The following MYH7B variants were observed in gnomAD, a reference collection of about 807,000 sequenced individuals.
The protein encoded by MYH7B is myosin heavy chain 7B.
Under a neutral mutation model 234.5 loss-of-function variants are expected in MYH7B, and 205 were observed. The ratio of observed to expected loss-of-function variants is 0.87; its 90% confidence interval spans 0.78 to 0.98. The LOEUF (loss-of-function observed/expected upper bound fraction) is 0.98. Among genes scored for constraint, MYH7B ranks in the 50% least tolerant of loss-of-function variants. MYH7B has a pLI of 0.00. For synonymous variants in MYH7B, 1,193 were observed against 1,105.0 expected (o/e 1.08, Z -1.58); for missense variants, 2,652 against 2,633.4 (o/e 1.01, Z -0.15).
At chr20:34,970,315 A>T (rs1022987410) in intron 2 of MYH7B, among the ~76,000 whole-genome samples, 1 of 152,224 alleles carries the variant, frequency 6.6e-6, no homozygotes, top group Non-Finnish European at 1.5e-5. Context: ...CAGCCAAGGC[A>T]GGAGGAGGGA....
In MYH7B at chr20:35,000,984, A is replaced by G. The variant is rs752622190; in HGVS notation, c.5305-4A>G. 5 of 1,613,816 alleles carry G rather than the reference A, an allele frequency of 3.1e-6. No individual in the cohort carries two copies. Among genetic ancestry groups the G allele is most frequent in the East Asian group, 2.2e-5 (1 of 44,884 alleles). On this transcript the variant is annotated splice_region_variant and splice_polypyrimidine_tract_variant and intron_variant, in intron 40 of 44. Transcript: ENST00000262873. ...GCACCTGACCAGCTCCTCCTCCCCA[A>G]CAGGCGGCCATGATGGCCGAGGAGC... is the stretch of plus-strand genomic sequence containing the variant.
chr20:35,000,909 G>A lies in MYH7B; in HGVS notation c.5304+16G>A. ...CATCACTGATGTGAGGCTGGGCAAG[G>A]GCTGTGGGGAGCCTGGGACAGAATT... On this transcript the variant is annotated intron_variant, in intron 40 of 44. Transcript: ENST00000262873. The A allele has an allele frequency of 1.9e-6, 2 of 1,063,584 alleles. No homozygotes were observed. The highest frequency in any genetic ancestry group is 2.6e-6 in the Non-Finnish European group (2 of 782,908). The allele number at this position is 1,063,584 out of a possible 1,614,324, so 65.9% of individuals were successfully genotyped here.
Position 35,001,226 on chromosome 20 carries a change from G to T in MYH7B, c.5476-19G>T. 2 of 1,607,490 alleles carry T rather than the reference G, an allele frequency of 1.2e-6. No homozygotes were observed. Among genetic ancestry groups the T allele is most frequent in the Non-Finnish European group, 1.7e-6 (2 of 1,176,232 alleles). ...GACCCAGGGGTGGGCTTGGCATCAG[G>T]CTGTCCCCCTGCCTGCAGGTACGGG... On this transcript the variant is annotated intron_variant, in intron 41 of 44. Transcript: ENST00000262873.
rs754546838 is a variant in MYH7B, at chr20:34,991,045, A to G, written c.2107A>G (p.Asn703Asp). 113 of 1,613,752 alleles carry G rather than the reference A, an allele frequency of 7.0e-5. No homozygotes were observed. Among genetic ancestry groups the G allele is most frequent in the Non-Finnish European group, 9.3e-5 (110 of 1,179,870 alleles). The change falls in exon 24 of 45, where the codon AAT (asparagine) becomes GAT (aspartate). Residue 703 changes from asparagine to aspartate, a missense_variant. This residue lies in a region of MYH7B where 2,279 missense variants were observed against 2,211.4 expected (regional missense o/e 1.03). Transcript: ENST00000262873. Reference sequence around the variant, plus strand: ...CTTGGTGCTACACCAGCTGCGCTGCAATGGGGTCCTGGAGGGGATCCGGAT... The same window carrying G: ...CTTGGTGCTACACCAGCTGCGCTGCGATGGGGTCCTGGAGGGGATCCGGAT...
intron 2 of MYH7B, among the ~76,000 whole-genome samples, chr20:34,963,693 G>A (rs1336633881): frequency 2.6e-5 from 4 of 152,142 alleles, no homozygotes; most frequent in Non-Finnish European, 5.9e-5. Context: ...CTTTTTCTAA[G>A]AGTTTTATAG....
rs1430689475 is a variant in MYH7B at position 35,001,464 on chromosome 20, C to T, written c.5614C>T (p.Gln1872Ter). The change falls in exon 43 of 45, where the codon CAG becomes TAG. Residue 1872 changes from glutamine (Q) to a stop codon, truncating the protein, a stop_gained. Transcript: ENST00000262873. LOFTEE classifies it high-confidence loss of function. ...GGACAGGAAGAACCTGGCTCGCATG[C>T]AGGACCTGGTGGACAAGCTGCAGAG... 6.2e-6 allele frequency: 10 copies of T among 1,608,882 alleles called. No homozygotes were observed. The highest frequency in any genetic ancestry group is 1.3e-5 in the African/African-American group (1 of 74,764).
At position 34,998,838 on chromosome 20, in the gene MYH7B, C is replaced by G. The variant is rs749420298; in HGVS notation, c.4113C>G (p.Ala1371=). The G allele has an allele frequency of 1.4e-5, 22 of 1,613,248 alleles. 1 individual carries two copies. The South Asian group carries it at 2.4e-4, about 18-fold the overall frequency. The change falls in exon 35 of 45, where the codon GCC becomes GCG. Residue 1371 remains alanine (A), a synonymous_variant. Coordinates refer to ENST00000262873, the Ensembl canonical transcript of MYH7B. ...AGCTGCAGCGGCTGCTGTCCAAGGC[C>G]AATGCCGAGGTGGCCCAGTGGAGGA...
exon 34 of MYH7B, chr20:34,998,605 G>A: frequency 6.2e-7 from 1 of 1,613,320 alleles, no homozygotes; most frequent in African/African-American, 1.3e-5. Context: ...AAGAGTTGCG[G>A]CGCCAGCTAG....
intron 22 of MYH7B, 98 bp from the exon 23 acceptor site, chr20:34,990,640 C>T: frequency 2.6e-6 from 3 of 1,141,010 alleles, no homozygotes; most frequent in Non-Finnish European, 3.9e-6. Context: ...GTGCAGGGCA[C>T]TTAGGGCCCT....
At chr20:34,990,352 C>T (rs201170954) in intron 22 of MYH7B, 42 bp downstream of exon 22, 43 of 1,609,958 alleles carry the variant, frequency 2.7e-5, no homozygotes, top group Non-Finnish European at 3.4e-6. Flanking sequence ...TCTTGGCAGC[C>T]TCCAGCCCCG....
chr20:34,978,672 C>A (rs7346108), intron 5 of MYH7B, among the ~76,000 whole-genome samples: 1 of 152,178 alleles, frequency 6.6e-6, no homozygotes, highest in Admixed American at 6.5e-5. Context: ...CTTCACAGGG[C>A]GCCAGGCTAA....
chr20:34,987,071 A>G, intron 15 of MYH7B, 78 bp from the exon 16 acceptor site: 3 of 1,609,368 alleles, frequency 1.9e-6, no homozygotes, highest in East Asian at 2.2e-5. Flanking sequence ...AGCTGCATGA[A>G]TGGTCCCGGG....
At chr20:34,958,362 T>G (rs1600400315) in intron 2 of MYH7B, among the ~76,000 whole-genome samples, 150 bp downstream of exon 2, 1 of 152,338 alleles carries the variant, frequency 6.6e-6, no homozygotes, top group Non-Finnish European at 1.5e-5. Flanking sequence ...CTTTCTGCAC[T>G]CTCTGCCTGG....
At chr20:34,990,378 CCT>C in intron 22 of MYH7B, 68 bp downstream of exon 22, 1 of 1,553,926 alleles carries the variant, frequency 6.4e-7, no homozygotes. Flanking sequence ...CACCCCCTGC[CCT>C]GTCCCCTGTG....
intron 2 of MYH7B, among the ~76,000 whole-genome samples, chr20:34,969,216 G>T (rs1232699522): frequency 6.6e-6 from 1 of 152,108 alleles, no homozygotes; most frequent in African/African-American, 2.4e-5. Context: ...ACTCTCTGAG[G>T]ACCAGCCCTC....
At chr20:34,990,658 T>C in intron 22 of MYH7B, 80 bp from the exon 23 acceptor site, 1 of 1,354,728 alleles carries the variant, frequency 7.4e-7, no homozygotes, top group Non-Finnish European at 1.1e-6. Context: ...CCTGCTCCCG[T>C]CTCGGTCCTG....
Position 34,993,207 on chromosome 20 carries a change from C to G in MYH7B, c.2289C>G (p.Tyr763Ter), listed in dbSNP as rs374038000. The G allele has an allele frequency of 1.2e-6, 2 of 1,613,828 alleles. No homozygotes were observed. The highest frequency in any genetic ancestry group is 2.7e-5 in the African/African-American group (2 of 74,914). Residue 763 changes from tyrosine (Y) to a stop codon, truncating the protein, a stop_gained, in exon 25 of 45, where the codon TAC becomes TAG. Transcript: ENST00000262873. LOFTEE classifies it high-confidence loss of function. Reference sequence around the variant, plus strand: ...CGCTGGACTTGGATCACACCCAGTACCAGTTTGGCCACACCAAGGTCGGGG... The same window carrying G: ...CGCTGGACTTGGATCACACCCAGTAGCAGTTTGGCCACACCAAGGTCGGGG...
chr20:34,999,121 C>A lies in MYH7B; in HGVS notation c.4256C>A (p.Ser1419Ter). Residue 1419 changes from serine to a stop codon, truncating the protein, a stop_gained, in exon 36 of 45, where the codon TCA becomes TAA. Transcript: ENST00000262873. LOFTEE classifies it high-confidence loss of function. Reference sequence around the variant, plus strand: ...GTGGAGGCTGCCAACGCCAAGTGCTCATCGTTGGAGAAGGCCAAGCTGCGG... The same window carrying A: ...GTGGAGGCTGCCAACGCCAAGTGCTAATCGTTGGAGAAGGCCAAGCTGCGG... 6.2e-7 allele frequency: 1 copy of A among 1,613,620 alleles called. No homozygotes were observed. The highest frequency in any genetic ancestry group is 1.1e-5 in the South Asian group (1 of 91,068).
exon 19 of MYH7B, chr20:34,988,093 T>C (rs1569044936): frequency 3.1e-6 from 5 of 1,612,400 alleles, no homozygotes; most frequent in Non-Finnish European, 3.4e-6. Context: ...CTCTTGTAGT[T>C]CAACAGCTTC....
Sources: gnomAD v4.1 joint callset for allele counts (sites outside exome capture counted in the v4.1 genomes callset) on GRCh38, gnomAD v4.1.1 for gene constraint, gnomAD v4.1.1 regional missense constraint, MANE v1.5 for transcripts, NCBI Gene and HGNC (gene_info 2026-07-23, HGNC 2026-07-21) for gene names.